SYT9: variants seen among roughly 807,000 people sequenced by gnomAD.
The protein encoded by SYT9 is synaptotagmin-9.
Under a neutral mutation model 48.4 loss-of-function variants are expected in SYT9, and 22 were observed. The ratio of observed to expected loss-of-function variants is 0.45; its 90% CI spans 0.32 to 0.65. The LOEUF (loss-of-function observed/expected upper bound fraction) is 0.65, where lower values mean the gene tolerates loss of function less well. SYT9 is among the 30% of genes least tolerant of loss of function. The pLI is 0.03. For synonymous variants in SYT9, 265 were observed against 245.0 expected, an observed-to-expected ratio of 1.08 and a Z score of -0.76; for missense variants, 577 against 622.0, an observed-to-expected ratio of 0.93 and a Z score of 0.77.
At chr11:7,361,385 G>A (rs554956439) in intron 3 of SYT9, among the ~76,000 whole-genome samples, 5 of 152,182 alleles carry the variant, frequency 3.3e-5, no homozygotes, top group Admixed American at 6.5e-5. Context: ...AATTTTGGTC[G>A]TAGAACATTG....
intron 6 of SYT9, among the ~76,000 whole-genome samples, chr11:7,428,350 T>A (rs986443266): frequency 6.6e-5 from 10 of 152,182 alleles, no homozygotes; most frequent in South Asian, 2.1e-4. Flanking sequence ...TGGATGACAA[T>A]GGGCTTGAGC....
chr11:7,376,155 A>G (rs1850448231), intron 3 of SYT9, among the ~76,000 whole-genome samples: 1 of 152,100 alleles, frequency 6.6e-6, no homozygotes, highest in African/African-American at 2.4e-5. Flanking sequence ...TCTGCTTTGT[A>G]TTCCCAGCAC....
chr11:7,304,321 G>A (rs1183837133), intron 2 of SYT9, among the ~76,000 whole-genome samples: 1 of 152,196 alleles, frequency 6.6e-6, no homozygotes, highest in African/African-American at 2.4e-5. Flanking sequence ...TAAGCAGCCA[G>A]TTCTAAATCA....
At chr11:7,345,057 A>T (rs991186529) in intron 3 of SYT9, among the ~76,000 whole-genome samples, 5 of 152,152 alleles carry the variant, frequency 3.3e-5, no homozygotes, top group Non-Finnish European at 7.4e-5. Flanking sequence ...TCCCATCACA[A>T]ACAGTGTATC....
chr11:7,268,553 G>A (rs994791985), intron 1 of SYT9, among the ~76,000 whole-genome samples: 2 of 151,858 alleles, frequency 1.3e-5, no homozygotes, highest in African/African-American at 4.8e-5. Context: ...TAACCTGGTA[G>A]GGGTTTAAGA....
At chr11:7,419,825 G>A (rs1008355611) in intron 5 of SYT9, among the ~76,000 whole-genome samples, 1 of 152,194 alleles carries the variant, frequency 6.6e-6, no homozygotes, top group African/African-American at 2.4e-5. Context: ...GAACCCGGGA[G>A]CTGGAGGTTG....
At chr11:7,270,160 T>C (rs1848267905) in intron 1 of SYT9, among the ~76,000 whole-genome samples, 1 of 152,214 alleles carries the variant, frequency 6.6e-6, no homozygotes, top group African/African-American at 2.4e-5. Context: ...TGTACAATAA[T>C]ACCATATTGA....
In SYT9 at chr11:7,290,568, T is replaced by G. The variant is rs560360786; in HGVS notation, c.146-12471T>G. The stretch of plus-strand genomic sequence containing the variant: ...ATGCCTATTGTATATGTATATATAC[T>G]TAAACACACAGCTTCTTTGCCAATT... On this transcript the variant is annotated intron_variant, in intron 1 of 6. Transcript: ENST00000318881. 1.1e-4 allele frequency among the ~76,000 whole-genome samples: 17 copies of G among 152,354 alleles called. No homozygotes were observed. In the South Asian group the frequency reaches 3.3e-3, roughly 30 times the overall value.
At chr11:7,278,237 A>G (rs1261629882) in intron 1 of SYT9, among the ~76,000 whole-genome samples, 2 of 152,146 alleles carry the variant, frequency 1.3e-5, no homozygotes, top group South Asian at 2.1e-4. Flanking sequence ...TTCCCCTCCC[A>G]TGATAACCTA....
At chr11:7,414,528 G>A (rs1426119245) in intron 3 of SYT9, among the ~76,000 whole-genome samples, 1 of 152,218 alleles carries the variant, frequency 6.6e-6, no homozygotes, top group Non-Finnish European at 1.5e-5. Context: ...AGAGTCTGCT[G>A]TGTGTAAAAC....
intron 3 of SYT9, among the ~76,000 whole-genome samples, chr11:7,404,690 A>G (rs372943419): frequency 5.9e-5 from 9 of 152,224 alleles, no homozygotes; most frequent in African/African-American, 2.2e-4. Context: ...TCCTGTTTGG[A>G]TTATGTGCAT....
chr11:7,329,456 A>T (rs971074706), intron 3 of SYT9, among the ~76,000 whole-genome samples: 7 of 152,124 alleles, frequency 4.6e-5, no homozygotes, highest in Non-Finnish European at 1.5e-5. Context: ...TTCTCTGCTC[A>T]TATAGTATTT....
chr11:7,305,815 C>A (rs1053458911), intron 2 of SYT9, among the ~76,000 whole-genome samples: 1 of 152,168 alleles, frequency 6.6e-6, no homozygotes, highest in Non-Finnish European at 1.5e-5. Context: ...AAAGACACAG[C>A]CTCCATTTAA....
rs747123265 is a variant in SYT9, at chr11:7,303,226, C to T, written c.333C>T (p.Asn111=). The T allele has an allele frequency of 5.6e-6, 9 of 1,614,036 alleles. No homozygotes were observed. The East Asian group carries it at 8.9e-5, about 16-fold the overall frequency. The change falls in exon 2 of 7, where the codon AAC becomes AAT. Residue 111 remains asparagine, a synonymous_variant. Coordinates refer to ENST00000318881, the MANE Select transcript of SYT9 (RefSeq NM_175733.4). ...YMDTETNEQE[N]SEDFLDPPTP... ...ACACAGAGACCAATGAGCAGGAGAA[C>T]AGTGAGGACTTCCTAGATCCTCCCA... is the stretch of plus-strand genomic sequence containing the variant.
intron 3 of SYT9, among the ~76,000 whole-genome samples, chr11:7,354,337 T>C (rs192322138): frequency 1.1e-4 from 16 of 152,360 alleles, no homozygotes; most frequent in African/African-American, 3.8e-4. Context: ...ATCAGTCTTA[T>C]GATAAAGTAT....
intron 3 of SYT9, among the ~76,000 whole-genome samples, chr11:7,400,063 T>A (rs115874126): frequency 6.6e-6 from 1 of 152,228 alleles, no homozygotes; most frequent in Non-Finnish European, 1.5e-5. Context: ...TGTGACTTAC[T>A]GAGTTCAGCC....
intron 3 of SYT9, among the ~76,000 whole-genome samples, chr11:7,332,329 T>G (rs1179712108): frequency 6.6e-6 from 1 of 152,248 alleles, no homozygotes; most frequent in Non-Finnish European, 1.5e-5. Context: ...CCTGTCATTT[T>G]CAAGATGGTT....
Position 7,466,745 on chromosome 11 carries a change from AT to A in SYT9, c.1468-46del, listed in dbSNP as rs767494636. ...CAAAAAAAAAAAAAAAAGAAAAAAA[AT>A]GTATGAATGAAAGCCAAATTATTTT... On this transcript the variant is annotated intron_variant, in intron 6 of 6. Coordinates refer to ENST00000318881, the MANE Select transcript of SYT9 (RefSeq NM_175733.4). 11 of 1,588,710 alleles carry A rather than the reference AT, an allele frequency of 6.9e-6. No homozygotes were observed. The East Asian group carries it at 1.3e-4, about 19-fold the overall frequency.
chr11:7,460,610 T>C (rs1848219417), intron 6 of SYT9, among the ~76,000 whole-genome samples: 1 of 152,152 alleles, frequency 6.6e-6, no homozygotes, highest in Non-Finnish European at 1.5e-5. Flanking sequence ...GCTTTATAAA[T>C]GTAGTATAAT....
Sources: gnomAD v4.1 joint callset for allele counts (sites outside exome capture counted in the v4.1 genomes callset) on GRCh38, gnomAD v4.1.1 for gene constraint, MANE v1.5 for transcripts, NCBI Gene and HGNC (gene_info 2026-07-23, HGNC 2026-07-21) for gene names.